P4HA1: variants seen among roughly 807,000 people sequenced by gnomAD.
P4HA1 encodes prolyl 4-hydroxylase subunit alpha-1.
A neutral mutation model predicts 72.8 loss-of-function variants in P4HA1; 24 were observed. The ratio of observed to expected loss-of-function variants is 0.33; its 90% CI spans 0.24 to 0.46. The LOEUF is 0.46. Ranked by LOEUF, P4HA1 falls within the 20% of genes least tolerant of loss-of-function variation. The pLI is 1.00. For synonymous variants in P4HA1, 201 were observed against 218.8 expected, an observed-to-expected ratio of 0.92 and a Z score of 0.72; for missense variants, 446 against 640.6, an observed-to-expected ratio of 0.70 and a Z score of 3.28.
intron 1 of P4HA1, among the ~76,000 whole-genome samples, chr10:73,080,728 A>G (rs543184999): frequency 6.6e-6 from 1 of 152,232 alleles, no homozygotes; most frequent in South Asian, 2.1e-4. Context: ...GGAGTTTGAG[A>G]CCAGCCTGGC....
intron 7 of P4HA1, among the ~76,000 whole-genome samples, chr10:73,047,941 A>T (rs2133091522): frequency 6.6e-6 from 1 of 152,252 alleles, no homozygotes; most frequent in East Asian, 1.9e-4. Flanking sequence ...AGTCCCACAT[A>T]CTTGAGGGGC....
Position 73,032,530 on chromosome 10 carries a change from C to T in P4HA1, c.1149-2160G>A, listed in dbSNP as rs113630168. 4.6e-5 allele frequency among the ~76,000 whole-genome samples: 7 copies of T among 152,326 alleles called. 1 individual carries two copies. Among genetic ancestry groups the T allele is most frequent in the African/African-American group, 1.7e-4 (7 of 41,580 alleles). ...TGCTTTTTCTTGGTCTCCTAATTTA[C>T]AGCCTCCAACACTATATTCTGCCTC... On this transcript the variant is annotated intron_variant, in intron 9 of 14. Coordinates refer to ENST00000394890, the MANE Select transcript of P4HA1 (RefSeq NM_001017962.3).
chr10:73,028,232 GA>G (rs144539052), intron 10 of P4HA1, among the ~76,000 whole-genome samples: 12 of 137,758 alleles, frequency 8.7e-5, no homozygotes, highest in Non-Finnish European at 1.1e-4. Context: ...TTTGAGATAG[GA>G]AAAAAAAACA....
intron 9 of P4HA1, among the ~76,000 whole-genome samples, chr10:73,032,123 C>T (rs1431201493): frequency 6.6e-6 from 1 of 152,154 alleles, no homozygotes; most frequent in Non-Finnish European, 1.5e-5. Context: ...CCACTCTGTA[C>T]CCTAACTCAC....
intron 1 of P4HA1, 147 bp from the exon 2 acceptor site, chr10:73,075,062 G>T: frequency 1.9e-6 from 1 of 523,432 alleles, no homozygotes; most frequent in Non-Finnish European, 3.4e-6. Flanking sequence ...TTTAATAATA[G>T]CTACTATCTT....
intron 9 of P4HA1, among the ~76,000 whole-genome samples, chr10:73,032,702 G>A (rs562634090): frequency 2.0e-5 from 3 of 152,198 alleles, no homozygotes; most frequent in Non-Finnish European, 4.4e-5. Flanking sequence ...CACTTCTTTA[G>A]AGAAGCTTTC....
chr10:73,053,973 A>G (rs1405652466), intron 5 of P4HA1, among the ~76,000 whole-genome samples: 1 of 151,806 alleles, frequency 6.6e-6, no homozygotes, highest in Non-Finnish European at 1.5e-5. Context: ...CTGGAATGCA[A>G]TGGCACAATC....
intron 9 of P4HA1, among the ~76,000 whole-genome samples, chr10:73,040,545 G>A (rs1167019445): frequency 6.8e-6 from 1 of 147,006 alleles, no homozygotes; most frequent in Non-Finnish European, 1.5e-5. Flanking sequence ...GCATGATCTC[G>A]GCTCACTGCA....
intron 7 of P4HA1, among the ~76,000 whole-genome samples, chr10:73,049,859 G>A (rs6480659): frequency 0.16 from 24,209 of 152,064 alleles, 3,210 homozygotes; most frequent in African/African-American, 0.34. Flanking sequence ...TAGTGTTATT[G>A]TCTCTAATTA....
At chr10:73,021,772 C>T (rs12253317) in intron 10 of P4HA1, among the ~76,000 whole-genome samples, 7 of 152,194 alleles carry the variant, frequency 4.6e-5, no homozygotes, top group Non-Finnish European at 7.4e-5. Flanking sequence ...CTGGAAAAAC[C>T]GGACAATCCT....
intron 1 of P4HA1, among the ~76,000 whole-genome samples, chr10:73,096,271 C>G (rs909034839): frequency 1.3e-5 from 2 of 152,220 alleles, no homozygotes; most frequent in African/African-American, 2.4e-5. Context: ...GGCAAAAATG[C>G]CTGGCGCGCT....
At chr10:73,057,908 G>A (rs1333349179) in intron 5 of P4HA1, among the ~76,000 whole-genome samples, 1 of 151,802 alleles carries the variant, frequency 6.6e-6, no homozygotes, top group Non-Finnish European at 1.5e-5. Flanking sequence ...TGGGCAACAT[G>A]GCGAAAGGCC....
intron 10 of P4HA1, among the ~76,000 whole-genome samples, chr10:73,020,910 G>A (rs1419296744): frequency 6.6e-6 from 1 of 152,148 alleles, no homozygotes; most frequent in Non-Finnish European, 1.5e-5. Flanking sequence ...CAAAGTGGAT[G>A]GATCACCTGA....
At chr10:73,093,481 G>A (rs1233459166) in intron 1 of P4HA1, among the ~76,000 whole-genome samples, 1 of 151,960 alleles carries the variant, frequency 6.6e-6, no homozygotes, top group Admixed American at 6.5e-5. Flanking sequence ...TTCAACTAGA[G>A]AAACTGAAGC....
Position 73,096,836 on chromosome 10 carries a change from T to C in P4HA1, c.-103A>G, listed in dbSNP as rs201823441. On this transcript the variant is annotated 5_prime_UTR_variant, in exon 1 of 15. Coordinates refer to ENST00000394890, the MANE Select transcript of P4HA1 (RefSeq NM_001017962.3). The stretch of plus-strand genomic sequence containing the variant: ...GCCTCCACTCGGAGCGGCTACTTCC[T>C]ACCCTCAGCCCGCTGGCGGCGCGAC... 8.6e-4 allele frequency: 132 copies of C among 152,812 alleles called. No homozygotes were observed. The highest frequency in any genetic ancestry group is 1.6e-3 in the Non-Finnish European group (106 of 68,090). The allele number at this position is 152,812 out of a possible 1,614,324, so 9.5% of individuals were successfully genotyped here.
intron 14 of P4HA1, among the ~76,000 whole-genome samples, chr10:73,009,377 A>G (rs183533614): frequency 3.0e-4 from 46 of 152,346 alleles, no homozygotes; most frequent in African/African-American, 9.6e-4. Flanking sequence ...AGAACCTGGT[A>G]TCTAACATGT....
At chr10:73,045,155 G>T in intron 8 of P4HA1, 104 bp from the exon 9 acceptor site, 1 of 883,958 alleles carries the variant, frequency 1.1e-6, no homozygotes, top group Non-Finnish European at 1.8e-6. Context: ...AGGCTAAAAA[G>T]AGAAAATAAC....
chr10:73,058,153 TA>T (rs1841204726), intron 5 of P4HA1, among the ~76,000 whole-genome samples: 1 of 88,560 alleles, frequency 1.1e-5, no homozygotes, highest in African/African-American at 4.3e-5. Flanking sequence ...GGGGTGAAAC[TA>T]AGGGAAAAAA....
chr10:73,094,209 T>C (rs1442942481), intron 1 of P4HA1, among the ~76,000 whole-genome samples: 1 of 152,082 alleles, frequency 6.6e-6, no homozygotes, highest in Non-Finnish European at 1.5e-5. Context: ...TATTAACTTT[T>C]GTTAAAACCC....
Sources: gnomAD v4.1 joint callset for allele counts (sites outside exome capture counted in the v4.1 genomes callset) on GRCh38, gnomAD v4.1.1 for gene constraint, MANE v1.5 for transcripts, NCBI Gene and HGNC (gene_info 2026-07-23, HGNC 2026-07-21) for gene names.